PTK2: variants seen among roughly 807,000 people sequenced by gnomAD.
PTK2 encodes protein tyrosine kinase 2.
In PTK2, 45 loss-of-function variants were observed where a neutral mutation model predicts 150.1. That is an observed-to-expected ratio of 0.30 (90% confidence interval 0.24 to 0.38). The LOEUF (loss-of-function observed/expected upper bound fraction) is 0.38, where lower values mean the gene tolerates loss of function less well. Among genes scored for constraint, PTK2 ranks in the 10% least tolerant of loss-of-function variants. The pLI is 1.00. For missense variants in PTK2, 919 were observed against 1,307.3 expected, an observed-to-expected ratio of 0.70 and a Z score of 4.58; for synonymous variants, 432 against 449.2, an observed-to-expected ratio of 0.96 and a Z score of 0.48.
intron 20 of PTK2, among the ~76,000 whole-genome samples, chr8:140,742,251 C>T (rs1035108589): frequency 7.9e-5 from 12 of 152,148 alleles, no homozygotes; most frequent in African/African-American, 2.2e-4. Context: ...TACAACCAGC[C>T]GCATCTGGTG....
chr8:140,864,050 A>C (rs2100137855), intron 5 of PTK2, among the ~76,000 whole-genome samples: 1 of 152,230 alleles, frequency 6.6e-6, no homozygotes, highest in Admixed American at 6.5e-5. Context: ...AATTGTATTT[A>C]AATTAAAGCT....
At chr8:140,768,650 G>T (rs2100073796) in intron 14 of PTK2, among the ~76,000 whole-genome samples, 1 of 152,142 alleles carries the variant, frequency 6.6e-6, no homozygotes. Context: ...ACAATACCCA[G>T]TGATATTCTG....
At chr8:141,000,274 G>C (rs979168455) in intron 1 of PTK2, among the ~76,000 whole-genome samples, 3 of 152,218 alleles carry the variant, frequency 2.0e-5, no homozygotes, top group African/African-American at 7.2e-5. Flanking sequence ...ACTCCAGTGA[G>C]GACTTCAGTG....
chr8:140,729,305 C>T (rs971299011), intron 22 of PTK2, among the ~76,000 whole-genome samples: 1 of 152,244 alleles, frequency 6.6e-6, no homozygotes, highest in African/African-American at 2.4e-5. Context: ...AGTGAAAGCT[C>T]TATATACAAG....
chr8:140,789,732 T>C (rs1211346275), intron 13 of PTK2, among the ~76,000 whole-genome samples: 1 of 152,208 alleles, frequency 6.6e-6, no homozygotes, highest in Non-Finnish European at 1.5e-5. Flanking sequence ...TGAAGGAATG[T>C]TGAACTGTTC....
At chr8:140,862,762 C>T (rs563474314) in intron 5 of PTK2, among the ~76,000 whole-genome samples, 29 of 152,232 alleles carry the variant, frequency 1.9e-4, no homozygotes, top group South Asian at 4.2e-4. Flanking sequence ...ATCTAGGTTG[C>T]GCATTCCTTA....
intron 2 of PTK2, among the ~76,000 whole-genome samples, chr8:140,899,302 C>A (rs2100157523): frequency 1.3e-5 from 2 of 152,150 alleles, no homozygotes; most frequent in South Asian, 2.1e-4. Context: ...AAGAGTTGAC[C>A]AAGATTCCCT....
At chr8:140,769,785 T>A (rs548664475) in intron 14 of PTK2, among the ~76,000 whole-genome samples, 193 bp from the exon 16 acceptor site, 2 of 152,364 alleles carry the variant, frequency 1.3e-5, no homozygotes, top group East Asian at 3.9e-4. Flanking sequence ...GTAGTATGTT[T>A]ACTTGAATTT....
At chr8:140,722,757 G>C (rs949982964) in intron 22 of PTK2, among the ~76,000 whole-genome samples, 10 of 152,104 alleles carry the variant, frequency 6.6e-5, no homozygotes, top group Admixed American at 5.9e-4. Context: ...CTCAGTCAGA[G>C]TTTGTAAAAG....
intron 18 of PTK2, among the ~76,000 whole-genome samples, chr8:140,745,760 A>G (rs4510908): frequency 0.58 from 88,571 of 151,998 alleles, 27,443 homozygotes; most frequent in African/African-American, 0.79. Flanking sequence ...AGCACTTTGG[A>G]AGGCCAAGGC....
At position 140,846,116 on chromosome 8, in the gene PTK2, T is replaced by A. The variant is rs2100125276; in HGVS notation, c.593+144A>T. 3 of 601,906 alleles carry A rather than the reference T, an allele frequency of 5.0e-6. No homozygotes were observed. The East Asian group carries it at 8.8e-5, about 18-fold the overall frequency. 37.3% of individuals were successfully genotyped at this position (601,906 alleles called of 1,614,324 possible). Reference sequence around the variant, plus strand: ...TCTAAATGTTTATTAACACAATTAATGTCATCAAGGATTCTGTCCTTTTCC... The same window carrying A: ...TCTAAATGTTTATTAACACAATTAAAGTCATCAAGGATTCTGTCCTTTTCC... On this transcript the variant is annotated intron_variant, in intron 7 of 31. Coordinates refer to ENST00000522684, the Ensembl canonical transcript of PTK2.
chr8:140,853,423 G>A (rs1014368856), intron 5 of PTK2, among the ~76,000 whole-genome samples: 3 of 139,642 alleles, frequency 2.1e-5, no homozygotes, highest in African/African-American at 8.1e-5. Flanking sequence ...TCCCACCTAC[G>A]AGGGAGAACA....
At chr8:140,676,897 C>T (rs140291617) in intron 27 of PTK2, among the ~76,000 whole-genome samples, 2,810 of 140,572 alleles carry the variant, frequency 0.02, 97 homozygotes, top group African/African-American at 0.069. Context: ...GCCGAGATCA[C>T]GTCACTGCAC....
intron 28 of PTK2, among the ~76,000 whole-genome samples, chr8:140,674,936 G>T (rs2100012736): frequency 6.7e-6 from 1 of 148,280 alleles, no homozygotes; most frequent in East Asian, 2.0e-4. Context: ...GCCAGGCATG[G>T]TGGTGTGCAC....
At chr8:140,710,906 C>T (rs1221633576) in intron 23 of PTK2, among the ~76,000 whole-genome samples, 1 of 152,154 alleles carries the variant, frequency 6.6e-6, no homozygotes, top group East Asian at 1.9e-4. Context: ...GAAGGACAGG[C>T]CTGAACAGCA....
At chr8:140,769,881 C>A (rs1193877790) in intron 14 of PTK2, among the ~76,000 whole-genome samples, 1 of 152,186 alleles carries the variant, frequency 6.6e-6, no homozygotes, top group South Asian at 2.1e-4. Context: ...CTGGATTCTG[C>A]CACACTAAGC....
intron 14 of PTK2, among the ~76,000 whole-genome samples, chr8:140,781,296 AT>A (rs930153906): frequency 6.6e-5 from 10 of 152,286 alleles, no homozygotes; most frequent in African/African-American, 1.4e-4. Context: ...TTAATAATAT[AT>A]TTTTTTAAAA....
chr8:140,774,484 G>A (rs574152170), intron 14 of PTK2, among the ~76,000 whole-genome samples: 5 of 152,330 alleles, frequency 3.3e-5, no homozygotes, highest in East Asian at 1.9e-4. Flanking sequence ...TCACAGGAGT[G>A]TCTCTCCAGC....
chr8:140,789,243 TTGCTGAG>T (rs1043034914), intron 14 of PTK2, among the ~76,000 whole-genome samples: 1 of 151,222 alleles, frequency 6.6e-6, no homozygotes, highest in Non-Finnish European at 1.5e-5. Context: ...TCTATACAAC[TTGCTGAG>T]TGATCTGGTA....
Sources: allele counts gnomAD v4.1 joint callset (sites outside exome capture counted in the v4.1 genomes callset), GRCh38; gene constraint gnomAD v4.1.1; transcripts MANE v1.5; gene names NCBI Gene and HGNC (gene_info 2026-07-23, HGNC 2026-07-21).